Variants in NPPA observed in about 807,000 individuals in gnomAD.
The protein encoded by NPPA is natriuretic peptide A, also known as natriuretic peptides A.
A neutral mutation model predicts 12.2 loss-of-function variants in NPPA; 10 were observed. The ratio of observed to expected loss-of-function variants is 0.82; its 90% CI spans 0.50 to 1.38. The LOEUF is 1.38. NPPA is among the 40% of genes most tolerant of loss of function. NPPA has a pLI of 0.00. For synonymous variants in NPPA, 85 were observed against 80.2 expected (o/e 1.06, Z -0.32); for missense variants, 207 against 193.5 (o/e 1.07, Z -0.41).
Position 11,847,552 on chromosome 1 carries a change from C to T in NPPA, c.123+10G>A. On this transcript the variant is annotated intron_variant, in intron 1 of 2. Coordinates refer to ENST00000376480, the MANE Select transcript of NPPA (RefSeq NM_006172.4). ...CTGGCCCCAGACTGCACCCGCTTTCCTGGCCCTACCTTGAAATCCATCAGG... is the reference window on the plus strand; with the variant it reads ...CTGGCCCCAGACTGCACCCGCTTTCTTGGCCCTACCTTGAAATCCATCAGG... The T allele has an allele frequency of 6.2e-7, 1 of 1,614,200 alleles. No homozygotes were observed. The highest frequency in any genetic ancestry group is 8.5e-7 in the Non-Finnish European group (1 of 1,180,038).
chr1:11,845,892 A>G lies in NPPA; in HGVS notation c.*117T>C. On this transcript the variant is annotated 3_prime_UTR_variant, in exon 3 of 3. Coordinates refer to ENST00000376480, the MANE Select transcript of NPPA (RefSeq NM_006172.4). ...GACAGGAAGCTGCAGCTTAGATGGG[A>G]TGATCACAACTCCATGGCAACAAGA... 1.0e-6 allele frequency: 1 copy of G among 994,910 alleles called. No homozygotes were observed. Among genetic ancestry groups the G allele is most frequent in the African/African-American group, 1.6e-5 (1 of 62,930 alleles). 61.6% of individuals were successfully genotyped at this position (994,910 alleles called of 1,614,324 possible).
chr1:11,847,602 A>T lies in NPPA; in HGVS notation c.83T>A (p.Met28Lys), dbSNP rs142116829. The T allele has an allele frequency of 1.1e-5, 17 of 1,614,112 alleles. No homozygotes were observed. The highest frequency in any genetic ancestry group is 1.4e-5 in the Non-Finnish European group (17 of 1,180,012). Residue 28 changes from methionine to lysine, a missense_variant, in exon 1 of 3, where the codon ATG (methionine) becomes AAG (lysine). Transcript: ENST00000376480. ...GTCTGCGTTGGACACGGCATTGTAC[A>T]TGGGATTAGCTCTGGTCTGACCTAG... ...QLLGQTRANPMYNAVSNADLM... is the reference protein window; with the variant it reads ...QLLGQTRANPKYNAVSNADLM...
rs777894482 is a variant in NPPA at position 11,847,462 on chromosome 1, G to T, written c.124-23C>A. The stretch of plus-strand genomic sequence containing the variant: ...ATTCTTTAGAAAAGGAAAATACAGG[G>T]AAAGGGATAAACCTCACTGACTTGG... On this transcript the variant is annotated intron_variant, in intron 1 of 2. Transcript: ENST00000376480. 9 of 1,614,026 alleles carry T rather than the reference G, an allele frequency of 5.6e-6. No homozygotes were observed. The Admixed American group carries it at 8.3e-5, about 15-fold the overall frequency.
chr1:11,847,338 G>A lies in NPPA; in HGVS notation c.225C>T (p.Ser75=), dbSNP rs1645076017. The change falls in exon 2 of 3, where the codon AGC becomes AGT. Residue 75 remains serine (S), a synonymous_variant. Coordinates refer to ENST00000376480, the MANE Select transcript of NPPA (RefSeq NM_006172.4). ...EPNEEAGAAL[S]PLPEVPPWTG... Reference sequence around the variant, plus strand: ...TCCAGGGAGGCACCTCAGGGAGGGGGCTGAGAGCAGCCCCCGCTTCTTCAT... The same window carrying A: ...TCCAGGGAGGCACCTCAGGGAGGGGACTGAGAGCAGCCCCCGCTTCTTCAT... 4 of 1,613,662 alleles carry A rather than the reference G, an allele frequency of 2.5e-6. No individual in the cohort carries two copies. The highest frequency in any genetic ancestry group is 1.1e-5 in the South Asian group (1 of 91,084).
At position 11,847,333 on chromosome 1, in the gene NPPA, A is replaced by AC; in HGVS notation, c.229_230insG (p.Leu77ArgfsTer3). 1 of 1,613,584 alleles carries AC rather than the reference A, an allele frequency of 6.2e-7. No homozygotes were observed. Among genetic ancestry groups the AC allele is most frequent in the Non-Finnish European group, 8.5e-7 (1 of 1,179,772 alleles). On this transcript the variant is annotated frameshift_variant, in exon 2 of 3. Coordinates refer to ENST00000376480, the MANE Select transcript of NPPA (RefSeq NM_006172.4). LOFTEE classifies it high-confidence loss of function. ...CCCGGTCCAGGGAGGCACCTCAGGGAGGGGGCTGAGAGCAGCCCCCGCTTC... is the reference window on the plus strand; with the variant it reads ...CCCGGTCCAGGGAGGCACCTCAGGGACGGGGGCTGAGAGCAGCCCCCGCTTC...
At position 11,847,415 on chromosome 1, in the gene NPPA, T is replaced by C. The variant is rs774982462; in HGVS notation, c.148A>G (p.Lys50Glu). ...ACGACCTCATCTTCTAAAGGCATCTTTTCTTCCAAATGGTCCAGCAAATTC... is the reference window on the plus strand; with the variant it reads ...ACGACCTCATCTTCTAAAGGCATCTCTTCTTCCAAATGGTCCAGCAAATTC... Reference protein sequence around the residue: ...FKNLLDHLEEKMPLEDEVVPP... With the variant: ...FKNLLDHLEEEMPLEDEVVPP... The change falls in exon 2 of 3, where the codon AAG (lysine) becomes GAG (glutamate). Residue 50 changes from lysine to glutamate, a missense_variant. Transcript: ENST00000376480. 7 of 1,613,986 alleles carry C rather than the reference T, an allele frequency of 4.3e-6. No individual in the cohort carries two copies. The highest frequency in any genetic ancestry group is 5.9e-6 in the Non-Finnish European group (7 of 1,180,036).
Position 11,846,911 on chromosome 1 carries a change from GC to G in NPPA, c.450+201del, listed in dbSNP as rs67372226. 0.29 allele frequency among the ~76,000 whole-genome samples: 40,663 copies of G among 138,884 alleles called. 5,874 individuals are homozygous for G. Among genetic ancestry groups the G allele is most frequent in the Middle Eastern group, 0.38 (106 of 282 alleles). The allele number at this position is 138,884 out of a possible 152,430, so 91.1% of individuals were successfully genotyped here. A position where few individuals can be genotyped will look rare whatever the true frequency, so the allele number is the denominator to read the frequency against. On this transcript the variant is annotated intron_variant, in intron 2 of 2. Coordinates refer to ENST00000376480, the MANE Select transcript of NPPA (RefSeq NM_006172.4). ...TTACAGGCGTGAGCCACTGTGCCCA[GC>G]CCCCCCCCCTTTTTTTTTTAAGCAT... is the stretch of plus-strand genomic sequence containing the variant.
chr1:11,846,619 C>CTTTT (rs70987207), intron 2 of NPPA, among the ~76,000 whole-genome samples: 6 of 111,716 alleles, frequency 5.4e-5, no homozygotes, highest in South Asian at 2.8e-4. Flanking sequence ...CGTGCCTGGC[C>CTTTT]TTTTTTTTTT....
At chr1:11,846,714 C>T (rs1272224609) in intron 2 of NPPA, among the ~76,000 whole-genome samples, 3 of 150,750 alleles carry the variant, frequency 2.0e-5, no homozygotes, top group African/African-American at 7.3e-5. Flanking sequence ...CTCCTGGGTT[C>T]AAGTGATTCT....
Position 11,845,978 on chromosome 1 carries a change from C to T in NPPA, c.*31G>A, listed in dbSNP as rs1374878488. ...GCCTCTTGCAGTCTGTCCCTAGGCC[C>T]AGCCCTGCTTGTCCTCCCTGGCTGT... On this transcript the variant is annotated 3_prime_UTR_variant, in exon 3 of 3. Transcript: ENST00000376480. 6.2e-7 allele frequency: 1 copy of T among 1,612,696 alleles called. No homozygotes were observed. Among genetic ancestry groups the T allele is most frequent in the Non-Finnish European group, 8.5e-7 (1 of 1,178,700 alleles).
intron 2 of NPPA, among the ~76,000 whole-genome samples, chr1:11,846,590 G>A (rs1323786436): frequency 1.2e-4 from 18 of 149,082 alleles, no homozygotes; most frequent in African/African-American, 1.5e-4. Context: ...AAAGCGCTGG[G>A]ATTACAGGCG....
In NPPA at chr1:11,847,251, G is replaced by A; in HGVS notation, c.312C>T (p.Ser104=). ...GGALGRGPWD[S]SDRSALLKSK... ...TTTTTAGGAGGGCAGATCGATCAGA[G>A]GAGTCCCAGGGGCCCCGCCCGAGGG... The change falls in exon 2 of 3, where the codon TCC becomes TCT. Residue 104 remains serine, a synonymous_variant. Transcript: ENST00000376480. 1 of 1,613,690 alleles carries A rather than the reference G, an allele frequency of 6.2e-7. No homozygotes were observed. The highest frequency in any genetic ancestry group is 8.5e-7 in the Non-Finnish European group (1 of 1,179,674).
Position 11,847,336 on chromosome 1 carries a change from G to A in NPPA, c.227C>T (p.Pro76Leu), listed in dbSNP as rs773145904. The change falls in exon 2 of 3, where the codon CCC (proline) becomes CTC (leucine). Residue 76 changes from proline to leucine, a missense_variant. By Grantham distance (98) the Pro-to-Leu change is moderately conservative. Transcript: ENST00000376480. ...PNEEAGAALS[P>L]LPEVPPWTGE... is the part of the protein sequence containing the mutation. ...GGTCCAGGGAGGCACCTCAGGGAGG[G>A]GGCTGAGAGCAGCCCCCGCTTCTTC... 1.2e-6 allele frequency: 2 copies of A among 1,613,514 alleles called. No individual in the cohort carries two copies. The highest frequency in any genetic ancestry group is 2.7e-5 in the African/African-American group (2 of 74,904).
chr1:11,847,273 A>C lies in NPPA; in HGVS notation c.290T>G (p.Leu97Arg). ...AGAGGAGTCCCAGGGGCCCCGCCCG[A>C]GGGCACCTCCATCTCTCTGGGCTGG... is the stretch of plus-strand genomic sequence containing the variant. ...VSPAQRDGGA[L>R]GRGPWDSSDR... is the part of the protein sequence containing the mutation. Residue 97 changes from leucine to arginine, a missense_variant, in exon 2 of 3, where the codon CTC (leucine) becomes CGC (arginine). Coordinates refer to ENST00000376480, the MANE Select transcript of NPPA (RefSeq NM_006172.4). 2 of 1,613,616 alleles carry C rather than the reference A, an allele frequency of 1.2e-6. No homozygotes were observed. Among genetic ancestry groups the C allele is most frequent in the Admixed American group, 1.7e-5 (1 of 60,016 alleles).
intron 2 of NPPA, 89 bp downstream of exon 2, chr1:11,847,024 G>T: frequency 1.6e-6 from 2 of 1,254,030 alleles, no homozygotes; most frequent in Non-Finnish European, 2.2e-6. Context: ...ACTTGAGAGG[G>T]AATGAGCTTC....
In NPPA at chr1:11,847,168, C is replaced by G; in HGVS notation, c.395G>C (p.Gly132Ala). 6.3e-7 allele frequency: 1 copy of G among 1,588,970 alleles called. No individual in the cohort carries two copies. Among genetic ancestry groups the G allele is most frequent in the Non-Finnish European group, 8.6e-7 (1 of 1,164,160 alleles). Residue 132 changes from glycine (G) to alanine (A), a missense_variant, in exon 2 of 3, where the codon GGG becomes GCG. Physicochemically the swap from Gly to Ala is moderately conservative, Grantham distance 60. Transcript: ENST00000376480. ...GGCTCCAATCCTGTCCATCCTGCCC[C>G]CGAAGCAGCTGGATCTCCGCAGGCT... The part of the protein sequence containing the change: ...PRSLRRSSCF[G>A]GRMDRIGAQS...
chr1:11,846,911 GCC>G lies in NPPA; in HGVS notation c.450+200_450+201del, dbSNP rs67372226. On this transcript the variant is annotated intron_variant, in intron 2 of 2. Transcript: ENST00000376480. The stretch of plus-strand genomic sequence containing the variant: ...TTACAGGCGTGAGCCACTGTGCCCA[GCC>G]CCCCCCCCTTTTTTTTTTAAGCATT... Among the ~76,000 whole-genome samples, 9,356 of 138,968 alleles carry G rather than the reference GCC, an allele frequency of 0.067. 356 individuals are homozygous for G. Among genetic ancestry groups the G allele is most frequent in the African/African-American group, 0.094 (3,639 of 38,790 alleles). 91.2% of individuals were successfully genotyped at this position (138,968 alleles called of 152,430 possible).
Position 11,845,798 on chromosome 1 carries a change from G to T in NPPA, c.*211C>A. On this transcript the variant is annotated 3_prime_UTR_variant, in exon 3 of 3. Transcript: ENST00000376480. The stretch of plus-strand genomic sequence containing the variant: ...TTCTACCTTAAAATTTAATGCATGG[G>T]GTGGGAGAGGCGAGGAAGTCACCAT... 1.6e-6 allele frequency: 1 copy of T among 618,894 alleles called. No homozygotes were observed. The allele number at this position is 618,894 out of a possible 1,614,324, so 38.3% of individuals were successfully genotyped here.
At chr1:11,846,873 C>G (rs986493251) in intron 2 of NPPA, among the ~76,000 whole-genome samples, 2 of 151,558 alleles carry the variant, frequency 1.3e-5, no homozygotes, top group African/African-American at 4.9e-5. Context: ...CTCGGCCTCC[C>G]AAAGTGCTGG....
Sources: allele counts gnomAD v4.1 joint callset (sites outside exome capture counted in the v4.1 genomes callset), GRCh38; gene constraint gnomAD v4.1.1; transcripts MANE v1.5; gene names NCBI Gene and HGNC (gene_info 2026-07-23, HGNC 2026-07-21).